Variants in RNF144A observed in about 807,000 individuals in gnomAD.
RNF144A encodes ring finger protein 144A, also known as E3 ubiquitin-protein ligase RNF144A.
A neutral mutation model predicts 38.7 loss-of-function variants in RNF144A; 11 were observed. The ratio of observed to expected loss-of-function variants is 0.28; its 90% confidence interval spans 0.18 to 0.47. RNF144A has a LOEUF of 0.47. Among genes scored for constraint, RNF144A ranks in the 20% least tolerant of loss-of-function variants. RNF144A has a pLI of 0.99. For synonymous variants in RNF144A, 149 were observed against 143.9 expected (o/e 1.04, Z -0.25); for missense variants, 316 against 377.2 (o/e 0.84, Z 1.34).
In RNF144A at chr2:6,950,425, C is replaced by T. The variant is rs910659264; in HGVS notation, c.-12+9278C>T. Among the ~76,000 whole-genome samples the T allele has an allele frequency of 2.0e-5, 3 of 152,204 alleles. No homozygotes were observed. The East Asian group carries it at 5.8e-4, about 29-fold the overall frequency. On this transcript the variant is annotated intron_variant, in intron 2 of 8. Coordinates refer to ENST00000320892, the MANE Select transcript of RNF144A (RefSeq NM_014746.6). ...TAATGTTGGCGTCGATTTCTTCATG[C>T]ATTCTCCTGCCATTGGATGTTTGGG...
At chr2:7,050,233 T>C (rs1043156068) in intron 6 of RNF144A, among the ~76,000 whole-genome samples, 3 of 152,090 alleles carry the variant, frequency 2.0e-5, no homozygotes, top group Non-Finnish European at 4.4e-5. Flanking sequence ...TGAACCATGG[T>C]GGTGGTTTCC....
rs115936174 is a variant in RNF144A, at chr2:6,972,462, T to C, written c.-11-24454T>C. ...TTTTAGAATAATTTTTCAGGTGGAT[T>C]GGGTGGAACGGAAATAGCCCCGGGG... On this transcript the variant is annotated intron_variant, in intron 2 of 8. Transcript: ENST00000320892. Among the ~76,000 whole-genome samples the C allele has an allele frequency of 3.9e-3, 596 of 152,310 alleles. 5 individuals carry two copies. The highest frequency in any genetic ancestry group is 6.8e-3 in the Non-Finnish European group (463 of 68,026).
At chr2:7,051,898 C>T (rs955885026) in intron 6 of RNF144A, among the ~76,000 whole-genome samples, 2 of 152,146 alleles carry the variant, frequency 1.3e-5, no homozygotes, top group African/African-American at 4.8e-5. Context: ...ATGGGATCTT[C>T]CTGAGCTTAG....
intron 2 of RNF144A, among the ~76,000 whole-genome samples, chr2:6,970,034 A>T (rs918556702): frequency 6.6e-6 from 1 of 152,210 alleles, no homozygotes; most frequent in African/African-American, 2.4e-5. Flanking sequence ...TGCTGGGATT[A>T]CAGGCGTAAG....
chr2:7,070,415 C>T (rs1674423658), downstream of RNF144A, among the ~76,000 whole-genome samples: 1 of 152,122 alleles, frequency 6.6e-6, no homozygotes, highest in South Asian at 2.1e-4. Context: ...TAAAGAACAG[C>T]ATGAGGTCAA....
chr2:6,954,360 TA>T (rs1037698751), intron 2 of RNF144A, among the ~76,000 whole-genome samples: 2 of 151,366 alleles, frequency 1.3e-5, no homozygotes, highest in Admixed American at 6.6e-5. Flanking sequence ...GCACAGAAAG[TA>T]AAAAAAAAGA....
chr2:7,051,095 A>T (rs1217981643), intron 6 of RNF144A, among the ~76,000 whole-genome samples: 1 of 152,238 alleles, frequency 6.6e-6, no homozygotes, highest in Non-Finnish European at 1.5e-5. Flanking sequence ...ATCACACTCC[A>T]CAGGTGGTAG....
At chr2:6,925,870 GCA>G (rs1664828037) in intron 1 of RNF144A, among the ~76,000 whole-genome samples, 3 of 152,092 alleles carry the variant, frequency 2.0e-5, no homozygotes, top group Non-Finnish European at 1.5e-5. Context: ...ACACGTGTGC[GCA>G]CACACACAAA....
In RNF144A at chr2:6,989,773, C is replaced by G. The variant is rs193074645; in HGVS notation, c.-11-7143C>G. On this transcript the variant is annotated intron_variant, in intron 2 of 8. Transcript: ENST00000320892. Reference sequence around the variant, plus strand: ...CCTCCTCTGCTCTCCCAGCCGCCCCCCTCCAAGCTACCAGTAACCACTGAT... The same window carrying G: ...CCTCCTCTGCTCTCCCAGCCGCCCCGCTCCAAGCTACCAGTAACCACTGAT... Among the ~76,000 whole-genome samples, 329 of 152,256 alleles carry G rather than the reference C, an allele frequency of 2.2e-3. 1 individual carries two copies. Among genetic ancestry groups the G allele is most frequent in the Non-Finnish European group, 3.0e-3 (203 of 68,022 alleles).
In RNF144A at chr2:6,940,512, C is replaced by CT. The variant is rs376788220; in HGVS notation, c.-211-428dup. 6.6e-4 allele frequency among the ~76,000 whole-genome samples: 100 copies of CT among 151,556 alleles called. No homozygotes were observed. In the East Asian group the frequency reaches 0.016, roughly 24 times the overall value. On this transcript the variant is annotated intron_variant, in intron 1 of 8. Coordinates refer to ENST00000320892, the MANE Select transcript of RNF144A (RefSeq NM_014746.6). ...GTGTTCTTCTGTTCTTCCGTTTTGC[C>CT]TTTTTTTTCATTAGTTTATTTTTAT...
At chr2:7,038,670 G>T (rs760171336) in intron 8 of RNF144A, among the ~76,000 whole-genome samples, 2 of 152,166 alleles carry the variant, frequency 1.3e-5, no homozygotes, top group Non-Finnish European at 2.9e-5. Context: ...ATGTATAGTC[G>T]GTGGATGGAT....
Position 7,044,132 on chromosome 2 carries a change from A to G in RNF144A, c.*4372A>G. ...TAGTTTGTCCCCCCCTTTAGCAGGGATTCCTTTTTAAAGCTATTTTGGCTG... is the reference window on the plus strand; with the variant it reads ...TAGTTTGTCCCCCCCTTTAGCAGGGGTTCCTTTTTAAAGCTATTTTGGCTG... On this transcript the variant is annotated 3_prime_UTR_variant, in exon 9 of 9. Transcript: ENST00000320892. The G allele has an allele frequency of 9.1e-6, 9 of 985,716 alleles. No homozygotes were observed. The highest frequency in any genetic ancestry group is 8.4e-6 in the Non-Finnish European group (7 of 829,906). The allele number at this position is 985,716 out of a possible 1,614,324, so 61.1% of individuals were successfully genotyped here.
chr2:7,003,107 A>C (rs1670217421), intron 3 of RNF144A, among the ~76,000 whole-genome samples: 2 of 150,090 alleles, frequency 1.3e-5, no homozygotes, highest in African/African-American at 2.5e-5. Flanking sequence ...GTATATATAC[A>C]CATATATATA....
chr2:6,957,750 G>T (rs1288760047), intron 2 of RNF144A, among the ~76,000 whole-genome samples: 1 of 152,214 alleles, frequency 6.6e-6, no homozygotes, highest in African/African-American at 2.4e-5. Flanking sequence ...ACACTGAAAG[G>T]CATATTCTGA....
chr2:7,010,539 G>A (rs979205835), intron 3 of RNF144A, among the ~76,000 whole-genome samples: 71 of 152,156 alleles, frequency 4.7e-4, no homozygotes, highest in African/African-American at 1.6e-3. Flanking sequence ...AGTTTTAGGC[G>A]AGGCAGATAT....
chr2:6,967,653 C>T (rs748837809), intron 2 of RNF144A, among the ~76,000 whole-genome samples: 18 of 152,316 alleles, frequency 1.2e-4, no homozygotes, highest in South Asian at 6.2e-4. Flanking sequence ...GTAGTGACTG[C>T]GGTGGTGAAT....
chr2:7,008,453 C>A (rs1047280326), intron 3 of RNF144A, among the ~76,000 whole-genome samples: 1 of 152,196 alleles, frequency 6.6e-6, no homozygotes, highest in African/African-American at 2.4e-5. Context: ...GTCACACTGG[C>A]CTTCCTGCCC....
At chr2:6,999,940 A>G (rs1669994471) in intron 3 of RNF144A, among the ~76,000 whole-genome samples, 1 of 152,218 alleles carries the variant, frequency 6.6e-6, no homozygotes, top group African/African-American at 2.4e-5. Flanking sequence ...AAGGCATCCC[A>G]GGTGCCCAAG....
In RNF144A at chr2:7,043,096, G is replaced by T; in HGVS notation, c.*3336G>T. ...TTGGCCAGGCTACTCTCAAACTCCT[G>T]ACCTCAGGTGATCTGCCCACCTCGG... On this transcript the variant is annotated 3_prime_UTR_variant, in exon 9 of 9. Coordinates refer to ENST00000320892, the MANE Select transcript of RNF144A (RefSeq NM_014746.6). 1 of 737,736 alleles carries T rather than the reference G, an allele frequency of 1.4e-6. No homozygotes were observed. The highest frequency in any genetic ancestry group is 1.7e-6 in the Non-Finnish European group (1 of 604,230). 45.7% of individuals were successfully genotyped at this position (737,736 alleles called of 1,614,324 possible). A position where few individuals can be genotyped will look rare whatever the true frequency, so the allele number is the denominator to read the frequency against.
Sources: allele counts gnomAD v4.1 joint callset (sites outside exome capture counted in the v4.1 genomes callset), GRCh38; gene constraint gnomAD v4.1.1; transcripts MANE v1.5; gene names NCBI Gene and HGNC (gene_info 2026-07-23, HGNC 2026-07-21).